UNC5C: variants seen among roughly 807,000 people sequenced by gnomAD.
UNC5C encodes unc-5 netrin receptor C.
Under a neutral mutation model 99.8 loss-of-function variants are expected in UNC5C, and 47 were observed. The observed-to-expected ratio is 0.47, with a 90% CI of 0.37 to 0.60. UNC5C has a LOEUF of 0.60. UNC5C is among the 20% of genes least tolerant of loss of function. The pLI, the probability that UNC5C is intolerant of heterozygous loss-of-function variation, is 0.00. For missense variants in UNC5C, 1,062 were observed against 1,165.9 expected, an observed-to-expected ratio of 0.91 and a Z score of 1.30; for synonymous variants, 487 against 452.2, an observed-to-expected ratio of 1.08 and a Z score of -0.98.
chr4:95,418,927 C>T (rs1231652767), intron 1 of UNC5C, among the ~76,000 whole-genome samples: 2 of 152,142 alleles, frequency 1.3e-5, no homozygotes, highest in Admixed American at 1.3e-4. Flanking sequence ...GCCCCGACTT[C>T]AGAATGTTTT....
chr4:95,224,369 G>A (rs1383532716), intron 7 of UNC5C, among the ~76,000 whole-genome samples: 1 of 152,220 alleles, frequency 6.6e-6, no homozygotes, highest in Non-Finnish European at 1.5e-5. Context: ...TCTCCAGCTA[G>A]GTATCACGTG....
chr4:95,256,385 G>C (rs1293727015), intron 4 of UNC5C, among the ~76,000 whole-genome samples: 1 of 152,004 alleles, frequency 6.6e-6, no homozygotes, highest in African/African-American at 2.4e-5. Context: ...GCCAACTGTA[G>C]CCTTCCAATT....
At chr4:95,373,487 C>T (rs887855573) in intron 1 of UNC5C, among the ~76,000 whole-genome samples, 2 of 152,164 alleles carry the variant, frequency 1.3e-5, no homozygotes, top group African/African-American at 4.8e-5. Flanking sequence ...GACTGTGATC[C>T]GTCTCCTTAC....
intron 7 of UNC5C, 76 bp downstream of exon 7, chr4:95,242,353 A>C: frequency 6.4e-7 from 1 of 1,560,122 alleles, no homozygotes; most frequent in Non-Finnish European, 8.7e-7. Flanking sequence ...CTTTATTTCT[A>C]ATGTTTCCTT....
At chr4:95,354,479 A>ATATATATATATATATATATATATT in intron 1 of UNC5C, among the ~76,000 whole-genome samples, 8 of 110,340 alleles carry the variant, frequency 7.3e-5, no homozygotes, top group South Asian at 2.9e-4. Flanking sequence ...ATATATATAT[A>ATATATATATATATATATATATATT]TTTTTTTTTT....
intron 1 of UNC5C, among the ~76,000 whole-genome samples, chr4:95,517,224 A>G (rs1418211079): frequency 6.6e-6 from 1 of 152,204 alleles, no homozygotes; most frequent in Non-Finnish European, 1.5e-5. Flanking sequence ...TATTCCTCAA[A>G]TCCAACTCAG....
Position 95,219,147 on chromosome 4 carries a change from G to T in UNC5C, c.1467C>A (p.Thr489=). 2 of 1,614,096 alleles carry T rather than the reference G, an allele frequency of 1.2e-6. No individual in the cohort carries two copies. Among genetic ancestry groups the T allele is most frequent in the Admixed American group, 1.7e-5 (1 of 60,014 alleles). Residue 489 remains threonine, a synonymous_variant, in exon 9 of 16, where the codon ACC becomes ACA. Transcript: ENST00000453304. The part of the protein sequence containing the change: ...IKVYNTSGAV[T]PQDDLSEFTS... ...TAAACTCAGAGAGGTCATCTTGGGG[G>T]GTGACAGCACCTGAGGTGTTGTACA...
chr4:95,356,203 A>AAAAAAAC, intron 1 of UNC5C, among the ~76,000 whole-genome samples: 1 of 133,622 alleles, frequency 7.5e-6, no homozygotes, highest in Non-Finnish European at 1.6e-5. Context: ...CAAAAAAAAA[A>AAAAAAAC]AAAAAAAAAC....
At chr4:95,461,609 T>C (rs1174012074) in intron 1 of UNC5C, among the ~76,000 whole-genome samples, 1 of 152,220 alleles carries the variant, frequency 6.6e-6, no homozygotes, top group East Asian at 1.9e-4. Flanking sequence ...TTTCTGGCCA[T>C]TTGAATTGTT....
rs529867356 is a variant in UNC5C, at chr4:95,196,142, C to T, written c.2136+6589G>A. ...ATTTCCACATAGACGTATGTTTCTC[C>T]TAGGTGTTTTTAAACTTACTCCAAA... On this transcript the variant is annotated intron_variant, in intron 12 of 15. Coordinates refer to ENST00000453304, the MANE Select transcript of UNC5C (RefSeq NM_003728.4). 2.6e-5 allele frequency among the ~76,000 whole-genome samples: 4 copies of T among 152,264 alleles called. No homozygotes were observed. The South Asian group carries it at 6.2e-4, about 24-fold the overall frequency.
At chr4:95,210,332 A>C (rs557042062) in intron 10 of UNC5C, among the ~76,000 whole-genome samples, 1 of 152,352 alleles carries the variant, frequency 6.6e-6, no homozygotes, top group South Asian at 2.1e-4. Flanking sequence ...AGATTCTCTT[A>C]TAGGCTTTCA....
intron 12 of UNC5C, among the ~76,000 whole-genome samples, chr4:95,193,698 T>G (rs1737254109): frequency 1.3e-5 from 2 of 152,104 alleles, no homozygotes; most frequent in African/African-American, 4.8e-5. Context: ...GGGCCTGCAC[T>G]CCACCGAAGC....
intron 1 of UNC5C, among the ~76,000 whole-genome samples, chr4:95,537,367 G>T (rs1722806816): frequency 6.6e-6 from 1 of 152,142 alleles, no homozygotes; most frequent in African/African-American, 2.4e-5. Context: ...GATAATAGGG[G>T]AGGGGAAGGT....
At chr4:95,280,158 T>C (rs1327948881) in intron 3 of UNC5C, among the ~76,000 whole-genome samples, 1 of 151,988 alleles carries the variant, frequency 6.6e-6, no homozygotes, top group Non-Finnish European at 1.5e-5. Flanking sequence ...ATATCCCTAA[T>C]AGAGCTCTAC....
chr4:95,329,638 C>G lies in UNC5C; in HGVS notation c.346+5772G>C, dbSNP rs182065580. On this transcript the variant is annotated intron_variant, in intron 2 of 15. Transcript: ENST00000453304. ...ATCTTGTTATATCAACAACTCTGCTCGATTTTCTATTCGGTTGCTGATCTT... is the reference window on the plus strand; with the variant it reads ...ATCTTGTTATATCAACAACTCTGCTGGATTTTCTATTCGGTTGCTGATCTT... Among the ~76,000 whole-genome samples the G allele has an allele frequency of 2.5e-3, 376 of 152,160 alleles. 2 individuals are homozygous for G. Among genetic ancestry groups the G allele is most frequent in the African/African-American group, 8.1e-3 (335 of 41,526 alleles).
chr4:95,331,937 G>A (rs1176195731), intron 2 of UNC5C, among the ~76,000 whole-genome samples: 1 of 152,002 alleles, frequency 6.6e-6, no homozygotes, highest in Non-Finnish European at 1.5e-5. Context: ...CAGACAAACA[G>A]AGAGCCAAAT....
intron 1 of UNC5C, among the ~76,000 whole-genome samples, chr4:95,345,627 A>C (rs1055478126): frequency 2.0e-5 from 3 of 152,012 alleles, no homozygotes; most frequent in Non-Finnish European, 4.4e-5. Context: ...GTCTTAAAAA[A>C]TTAAAAAATT....
At chr4:95,331,197 A>G (rs1021026898) in intron 2 of UNC5C, among the ~76,000 whole-genome samples, 2 of 151,922 alleles carry the variant, frequency 1.3e-5, no homozygotes, top group Non-Finnish European at 2.9e-5. Context: ...TATATATCAC[A>G]TTTTCCTTAT....
At chr4:95,218,247 G>A (rs1459759398) in intron 9 of UNC5C, among the ~76,000 whole-genome samples, 1 of 152,174 alleles carries the variant, frequency 6.6e-6, no homozygotes, top group Admixed American at 6.5e-5. Context: ...ATGGTTCCAA[G>A]CTCATTACTA....
Sources: gnomAD v4.1 joint callset for allele counts (sites outside exome capture counted in the v4.1 genomes callset) on GRCh38, gnomAD v4.1.1 for gene constraint, MANE v1.5 for transcripts, NCBI Gene and HGNC (gene_info 2026-07-23, HGNC 2026-07-21) for gene names.